Variants in CACNA2D1 observed in about 807,000 individuals in gnomAD.
CACNA2D1 encodes the protein calcium voltage-gated channel auxiliary subunit alpha2delta 1, also known as voltage-dependent calcium channel subunit alpha-2/delta-1.
In CACNA2D1, 53 loss-of-function variants were observed where a neutral mutation model predicts 171.5. The ratio of observed to expected loss-of-function variants is 0.31; its 90% confidence interval spans 0.25 to 0.39. The LOEUF (loss-of-function observed/expected upper bound fraction) is 0.39, where lower values mean the gene tolerates loss of function less well. CACNA2D1 is among the 10% of genes least tolerant of loss of function. The pLI, the probability that CACNA2D1 is intolerant of heterozygous loss-of-function variation, is 1.00. For missense variants in CACNA2D1, 903 were observed against 1,299.8 expected (o/e 0.69, Z 4.69); for synonymous variants, 442 against 443.1 (o/e 1.00, Z 0.03).
At chr7:81,955,435 A>ATACTTCCTTTGATATCAT (rs1456573795) in intron 38 of CACNA2D1, among the ~76,000 whole-genome samples, 1 of 152,156 alleles carries the variant, frequency 6.6e-6, no homozygotes, top group Non-Finnish European at 1.5e-5. Context: ...AGAGAAAATA[A>ATACTTCCTTTGATATCAT]TACTTCCTTT....
rs111692715 is a variant in CACNA2D1 at position 82,187,865 on chromosome 7, G to A, written c.295-17256C>T. Among the ~76,000 whole-genome samples, 4 of 152,234 alleles carry A rather than the reference G, an allele frequency of 2.6e-5. 1 individual carries two copies. The highest frequency in any genetic ancestry group is 9.6e-5 in the African/African-American group (4 of 41,568). On this transcript the variant is annotated intron_variant, in intron 3 of 38. Coordinates refer to ENST00000356860, the MANE Select transcript of CACNA2D1 (RefSeq NM_000722.4). ...AGTCCAAGATCAAGGCATTGGCAGA[G>A]GCAGTGTCTGGTGAGGGTCTGCTTT...
intron 6 of CACNA2D1, among the ~76,000 whole-genome samples, chr7:82,101,455 T>C (rs1448524040): frequency 1.3e-5 from 2 of 152,136 alleles, no homozygotes; most frequent in African/African-American, 2.4e-5. Context: ...ATGGAAGTAA[T>C]AAGACAAATG....
chr7:81,996,639 TATA>T (rs952273341), intron 19 of CACNA2D1, among the ~76,000 whole-genome samples: 1 of 147,898 alleles, frequency 6.8e-6, no homozygotes, highest in East Asian at 2.0e-4. Flanking sequence ...ACATATATCA[TATA>T]ATGTTATTTA....
intron 1 of CACNA2D1, among the ~76,000 whole-genome samples, chr7:82,408,696 A>G (rs1827329462): frequency 6.6e-6 from 1 of 152,162 alleles, no homozygotes; most frequent in Admixed American, 6.6e-5. Flanking sequence ...CTTGGACTGG[A>G]AAATCCACCC....
At chr7:82,051,578 G>A (rs1345014251) in intron 10 of CACNA2D1, among the ~76,000 whole-genome samples, 1 of 152,060 alleles carries the variant, frequency 6.6e-6, no homozygotes, top group Non-Finnish European at 1.5e-5. Context: ...CATAACATGT[G>A]CATCTAATTC....
At chr7:81,980,385 A>C (rs986712200) in intron 24 of CACNA2D1, among the ~76,000 whole-genome samples, 18 of 152,008 alleles carry the variant, frequency 1.2e-4, no homozygotes, top group African/African-American at 4.3e-4. Flanking sequence ...GAAACAAATA[A>C]GCATCACTGT....
chr7:82,207,371 G>A (rs894493848), intron 3 of CACNA2D1, among the ~76,000 whole-genome samples: 7 of 152,080 alleles, frequency 4.6e-5, no homozygotes, highest in Admixed American at 1.3e-4. Context: ...GCAATTGTTT[G>A]CAAACCTCCC....
intron 1 of CACNA2D1, among the ~76,000 whole-genome samples, chr7:82,383,110 A>G (rs1823894827): frequency 6.6e-6 from 1 of 152,208 alleles, no homozygotes. Context: ...CACTAGGTAT[A>G]TTTACACATT....
chr7:82,238,711 T>A (rs889648373), intron 3 of CACNA2D1, among the ~76,000 whole-genome samples: 1 of 152,104 alleles, frequency 6.6e-6, no homozygotes, highest in Non-Finnish European at 1.5e-5. Context: ...GAATCTTGGA[T>A]CTTGACTTAG....
chr7:82,328,978 C>T (rs569463394), intron 3 of CACNA2D1, among the ~76,000 whole-genome samples: 47 of 152,234 alleles, frequency 3.1e-4, no homozygotes, highest in African/African-American at 1.0e-3. Context: ...CCCCTTCTCA[C>T]TTCTTTGTAT....
chr7:82,286,943 T>C (rs976542835), intron 3 of CACNA2D1, among the ~76,000 whole-genome samples: 9 of 152,152 alleles, frequency 5.9e-5, no homozygotes, highest in African/African-American at 2.2e-4. Flanking sequence ...GTCCAGGGCA[T>C]GAAAAAGGCA....
At chr7:82,316,807 G>A (rs6950094) in intron 3 of CACNA2D1, among the ~76,000 whole-genome samples, 11,923 of 152,142 alleles carry the variant, frequency 0.078, 1,575 homozygotes, top group African/African-American at 0.27. Context: ...TTGTGCAGGA[G>A]AACTCCCATT....
At chr7:82,003,806 G>A (rs544803828) in intron 18 of CACNA2D1, among the ~76,000 whole-genome samples, 38 of 149,770 alleles carry the variant, frequency 2.5e-4, no homozygotes, top group African/African-American at 8.8e-4. Flanking sequence ...GTGCAATGGC[G>A]TGGTCTCGGC....
At chr7:82,192,213 T>C (rs1262023186) in intron 3 of CACNA2D1, among the ~76,000 whole-genome samples, 1 of 151,414 alleles carries the variant, frequency 6.6e-6, no homozygotes, top group African/African-American at 2.4e-5. Context: ...TCATTTCATA[T>C]TCAGTAAGAT....
At chr7:81,955,980 ATTTTTTTTTTTTTTT>A (rs1164601123) in intron 38 of CACNA2D1, among the ~76,000 whole-genome samples, 20 of 34,556 alleles carry the variant, frequency 5.8e-4, no homozygotes, top group Non-Finnish European at 7.9e-4. Context: ...ATATATATAT[ATTTTTTTTTTTTTTT>A]TTTTTTTTTG....
intron 1 of CACNA2D1, among the ~76,000 whole-genome samples, chr7:82,406,556 T>C (rs898940804): frequency 2.0e-5 from 3 of 152,194 alleles, no homozygotes; most frequent in Non-Finnish European, 2.9e-5. Flanking sequence ...CAGTACCTGT[T>C]GTTTGCTGAC....
At chr7:82,302,016 T>A (rs1400515259) in intron 3 of CACNA2D1, among the ~76,000 whole-genome samples, 1 of 152,084 alleles carries the variant, frequency 6.6e-6, no homozygotes, top group East Asian at 1.9e-4. Flanking sequence ...CACCTCAGCC[T>A]CCCAAAGTGC....
At chr7:82,402,740 A>T (rs1438118549) in intron 1 of CACNA2D1, among the ~76,000 whole-genome samples, 1 of 149,382 alleles carries the variant, frequency 6.7e-6, no homozygotes, top group Non-Finnish European at 1.5e-5. Context: ...AAAGAAGAAG[A>T]AGTAAAATAG....
intron 24 of CACNA2D1, among the ~76,000 whole-genome samples, chr7:81,979,308 A>G (rs1584269286): frequency 6.6e-6 from 1 of 152,290 alleles, no homozygotes; most frequent in South Asian, 2.1e-4. Flanking sequence ...AATTGTAAAA[A>G]AAAATATGAA....
Sources: allele counts gnomAD v4.1 joint callset (sites outside exome capture counted in the v4.1 genomes callset), GRCh38; gene constraint gnomAD v4.1.1; transcripts MANE v1.5; gene names NCBI Gene and HGNC (gene_info 2026-07-23, HGNC 2026-07-21).